ARMH3: variants seen among roughly 807,000 people sequenced by gnomAD.
ARMH3 encodes armadillo like helical domain containing 3.
In ARMH3, 60 loss-of-function variants were observed where a neutral mutation model predicts 99.1. The ratio of observed to expected loss-of-function variants is 0.61; its 90% CI spans 0.49 to 0.75. The LOEUF is 0.75. ARMH3 is among the 30% of genes least tolerant of loss of function. The probability of loss-of-function intolerance (pLI) is 0.00; values close to 1 mark genes in which losing one functional copy is unlikely to be tolerated. For missense variants in ARMH3, 679 were observed against 843.1 expected, an observed-to-expected ratio of 0.81 and a Z score of 2.41; for synonymous variants, 285 against 292.8, an observed-to-expected ratio of 0.97 and a Z score of 0.27.
chr10:101,924,604 C>T (rs1368383291), intron 23 of ARMH3, among the ~76,000 whole-genome samples: 1 of 151,904 alleles, frequency 6.6e-6, no homozygotes, highest in East Asian at 1.9e-4. Context: ...ATCTGCCCAC[C>T]TCGGCCTCCC....
intron 23 of ARMH3, among the ~76,000 whole-genome samples, chr10:101,909,536 A>T (rs1303108157): frequency 7.4e-6 from 1 of 134,714 alleles, no homozygotes; most frequent in Non-Finnish European, 1.5e-5. Context: ...TGGCACAATC[A>T]CATCTCACTG....
intron 4 of ARMH3, among the ~76,000 whole-genome samples, chr10:102,031,033 C>A (rs954167537): frequency 1.3e-5 from 2 of 151,978 alleles, no homozygotes; most frequent in Non-Finnish European, 2.9e-5. Flanking sequence ...ATCTGCCCCC[C>A]TCAGCCTCCC....
At chr10:101,988,250 A>G (rs1006697014) in intron 19 of ARMH3, among the ~76,000 whole-genome samples, 2 of 152,258 alleles carry the variant, frequency 1.3e-5, no homozygotes, top group African/African-American at 4.8e-5. Context: ...TGGGCAAAGT[A>G]ATTAATCTCC....
chr10:102,016,605 A>C (rs1417178714), intron 8 of ARMH3, among the ~76,000 whole-genome samples: 1 of 152,240 alleles, frequency 6.6e-6, no homozygotes, highest in Non-Finnish European at 1.5e-5. Context: ...ATGCTCTAGG[A>C]AACAGTTGGG....
intron 24 of ARMH3, among the ~76,000 whole-genome samples, chr10:101,855,513 C>G (rs925606312): frequency 6.6e-6 from 1 of 150,864 alleles, no homozygotes; most frequent in South Asian, 2.1e-4. Flanking sequence ...AGTTCAAGAC[C>G]AGCCTGGATG....
At chr10:101,892,303 A>G (rs755075955) in intron 23 of ARMH3, among the ~76,000 whole-genome samples, 26 of 151,576 alleles carry the variant, frequency 1.7e-4, no homozygotes, top group Non-Finnish European at 2.7e-4. Flanking sequence ...AATAATAATA[A>G]TAAGCCAGGG....
In ARMH3 at chr10:102,023,489, A is replaced by G. The variant is rs2066933641; in HGVS notation, c.657T>C (p.Tyr219=). 2 of 1,613,868 alleles carry G rather than the reference A, an allele frequency of 1.2e-6. No homozygotes were observed. The highest frequency in any genetic ancestry group is 2.2e-5 in the South Asian group (2 of 91,082). ...GGAGCCCAGTTACCTCATATTTTCT[A>G]TAGTTCACCAGCAAAGCCAAGAGGA... ...AVVLLALLVN[Y]RKYESVNPYI... The change falls in exon 8 of 26, where the codon TAT becomes TAC. Residue 219 remains tyrosine (Y), a synonymous_variant. Coordinates refer to ENST00000370033, the MANE Select transcript of ARMH3 (RefSeq NM_024541.3).
At chr10:102,054,320 C>G (rs528102544) in intron 1 of ARMH3, among the ~76,000 whole-genome samples, 1 of 150,518 alleles carries the variant, frequency 6.6e-6, no homozygotes, top group African/African-American at 2.5e-5. Flanking sequence ...ACCCGAGAGA[C>G]GGAGGTTGCA....
rs144208367 is a variant in ARMH3 at position 101,993,157 on chromosome 10, G to A, written c.1275+381C>T. Among the ~76,000 whole-genome samples the A allele has an allele frequency of 7.3e-3, 1,101 of 151,758 alleles. 11 individuals carry two copies. The highest frequency in any genetic ancestry group is 0.025 in the African/African-American group (1,047 of 41,340). ...GTGGTGGCAGCCACCTGTAATCCCA[G>A]CTACTCAGGAGGCTGAGGCAGAAGA... is the stretch of plus-strand genomic sequence containing the variant. On this transcript the variant is annotated intron_variant, in intron 17 of 25. Coordinates refer to ENST00000370033, the MANE Select transcript of ARMH3 (RefSeq NM_024541.3).
At chr10:102,007,533 T>C (rs1310036139) in intron 13 of ARMH3, among the ~76,000 whole-genome samples, 2 of 150,858 alleles carry the variant, frequency 1.3e-5, no homozygotes, top group Non-Finnish European at 3.0e-5. Flanking sequence ...TAAAAAGAGC[T>C]ATTCAGCCGG....
At chr10:102,034,354 C>T (rs1447736875) in intron 2 of ARMH3, among the ~76,000 whole-genome samples, 2 of 151,712 alleles carry the variant, frequency 1.3e-5, no homozygotes, top group Non-Finnish European at 2.9e-5. Flanking sequence ...AAGAGAACCC[C>T]GGCCAGGCAC....
chr10:101,932,478 C>T (rs1485833700), intron 23 of ARMH3, among the ~76,000 whole-genome samples: 1 of 152,174 alleles, frequency 6.6e-6, no homozygotes, highest in African/African-American at 2.4e-5. Flanking sequence ...TTCACACTAG[C>T]ATTAGTCACA....
intron 23 of ARMH3, among the ~76,000 whole-genome samples, chr10:101,898,666 TATACTC>T (rs1167243451): frequency 2.0e-5 from 3 of 152,216 alleles, no homozygotes; most frequent in Non-Finnish European, 2.9e-5. Context: ...ACATAACTGT[TATACTC>T]AATACGCGCA....
intron 8 of ARMH3, among the ~76,000 whole-genome samples, chr10:102,020,034 TCAAA>T (rs2066844972): frequency 6.8e-6 from 1 of 146,516 alleles, no homozygotes; most frequent in African/African-American, 2.6e-5. Context: ...CAGCCTGGTC[TCAAA>T]CATGTCAAAC....
chr10:101,949,887 T>G (rs1168695364), intron 22 of ARMH3, among the ~76,000 whole-genome samples: 1 of 152,174 alleles, frequency 6.6e-6, no homozygotes, highest in African/African-American at 2.4e-5. Context: ...ATCACTATAC[T>G]AACAGACAAT....
At chr10:102,047,479 A>G (rs2067584935) in intron 1 of ARMH3, among the ~76,000 whole-genome samples, 1 of 150,806 alleles carries the variant, frequency 6.6e-6, no homozygotes, top group African/African-American at 2.4e-5. Flanking sequence ...CATTCTATTG[A>G]ACCAAACTTT....
intron 8 of ARMH3, among the ~76,000 whole-genome samples, chr10:102,017,588 T>C (rs937285783): frequency 6.6e-6 from 1 of 152,118 alleles, no homozygotes; most frequent in Non-Finnish European, 1.5e-5. Flanking sequence ...AACCCTCACC[T>C]CTCTTTAACT....
chr10:101,936,539 T>C (rs1843985953), intron 23 of ARMH3, among the ~76,000 whole-genome samples: 1 of 148,458 alleles, frequency 6.7e-6, no homozygotes, highest in Non-Finnish European at 1.5e-5. Flanking sequence ...GAAGATGTAC[T>C]TAGGAAACAC....
intron 2 of ARMH3, among the ~76,000 whole-genome samples, chr10:102,034,688 C>T (rs1331340901): frequency 1.3e-5 from 2 of 151,290 alleles, no homozygotes; most frequent in African/African-American, 4.9e-5. Context: ...AGGGGAATGG[C>T]ATAAAATAAG....
Sources: gnomAD v4.1 joint callset for allele counts (sites outside exome capture counted in the v4.1 genomes callset) on GRCh38, gnomAD v4.1.1 for gene constraint, MANE v1.5 for transcripts, NCBI Gene and HGNC (gene_info 2026-07-23, HGNC 2026-07-21) for gene names.